Variants in SIRPG observed in about 807,000 individuals in gnomAD.
SIRPG encodes signal-regulatory protein gamma.
A neutral mutation model predicts 35.7 loss-of-function variants in SIRPG; 38 were observed. The observed-to-expected ratio is 1.06, with a 90% CI of 0.82 to 1.40. SIRPG has a LOEUF of 1.40. Ranked by LOEUF, SIRPG falls within the 40% of genes most tolerant of loss-of-function variation. SIRPG has a pLI of 0.00. For missense variants in SIRPG, 519 were observed against 483.0 expected (o/e 1.07, Z -0.70); for synonymous variants, 215 against 190.4 (o/e 1.13, Z -1.06).
At chr20:1,653,211 C>T (rs985464552) in intron 1 of SIRPG, among the ~76,000 whole-genome samples, 5 of 152,196 alleles carry the variant, frequency 3.3e-5, no homozygotes, top group Non-Finnish European at 7.3e-5. Flanking sequence ...AAACCTGTGA[C>T]CTCTAGAGTC....
At chr20:1,668,181 T>G in the SIRPG span, among the ~76,000 whole-genome samples, 32,231 of 112,154 alleles carry the variant, frequency 0.29, 4,948 homozygotes, top group East Asian at 0.65. Flanking sequence ...TTTTCTTTCT[T>G]TCTTTCTTTT....
chr20:1,663,080 A>G, the SIRPG span, among the ~76,000 whole-genome samples: 1 of 152,088 alleles, frequency 6.6e-6, no homozygotes, highest in Admixed American at 6.5e-5. Flanking sequence ...TTGGGAGGCC[A>G]AAGCGGGCGG....
chr20:1,663,220 G>A, the SIRPG span, among the ~76,000 whole-genome samples: 3 of 152,170 alleles, frequency 2.0e-5, no homozygotes, highest in Non-Finnish European at 4.4e-5. Flanking sequence ...GGCTGAGGCA[G>A]GAGAATGGCG....
At chr20:1,633,113 A>G (rs2091764763) in intron 4 of SIRPG, among the ~76,000 whole-genome samples, 1 of 152,216 alleles carries the variant, frequency 6.6e-6, no homozygotes, top group Admixed American at 6.5e-5. Context: ...GATATTATGA[A>G]CAACTCTACA....
At chr20:1,652,029 TCAAA>T (rs759949157) in intron 1 of SIRPG, among the ~76,000 whole-genome samples, 7 of 152,348 alleles carry the variant, frequency 4.6e-5, no homozygotes, top group Admixed American at 1.3e-4. Context: ...TTTAGTGCTT[TCAAA>T]CAAACAAAAA....
the SIRPG span, among the ~76,000 whole-genome samples, chr20:1,683,667 G>C: frequency 6.6e-6 from 1 of 152,098 alleles, no homozygotes; most frequent in Admixed American, 6.6e-5. Context: ...CTCATACACT[G>C]AATCTAAAAA....
At chr20:1,680,100 T>C in the SIRPG span, among the ~76,000 whole-genome samples, 1 of 152,248 alleles carries the variant, frequency 6.6e-6, no homozygotes, top group African/African-American at 2.4e-5. Context: ...AGTGGCAACA[T>C]ATTCTTTTAC....
At position 1,635,381 on chromosome 20, in the gene SIRPG, C is replaced by A. The variant is rs777554720; in HGVS notation, c.967G>T (p.Asp323Tyr). ...ACCTGGCAGGTGAGGACCACATCAT[C>A]CCTTTGGTCAGATATGTTCACCAGG... is the stretch of plus-strand genomic sequence containing the variant. ...WFLVNISDQR[D>Y]DVVLTCQVKH... The change falls in exon 4 of 6, where the codon GAT becomes TAT. Residue 323 changes from aspartate (D) to tyrosine (Y), a missense_variant. Asp to Tyr is a radical substitution (Grantham distance 160). Transcript: ENST00000303415. 3.0e-5 allele frequency: 48 copies of A among 1,614,012 alleles called. No individual in the cohort carries two copies. In the African/African-American group the frequency reaches 6.4e-4, roughly 22 times the overall value.
At chr20:1,680,781 A>G in the SIRPG span, among the ~76,000 whole-genome samples, 1 of 152,222 alleles carries the variant, frequency 6.6e-6, no homozygotes, top group Admixed American at 6.5e-5. Context: ...AATCAATAAA[A>G]GGAATATATG....
intron 2 of SIRPG, chr20:1,646,068 G>A (rs913663839): frequency 6.6e-6 from 1 of 152,176 alleles, no homozygotes; most frequent in African/African-American, 2.4e-5. Flanking sequence ...TACAGAAGAG[G>A]AAACTGAGGC....
chr20:1,675,807 G>T, the SIRPG span, among the ~76,000 whole-genome samples: 12 of 152,202 alleles, frequency 7.9e-5, no homozygotes, highest in Non-Finnish European at 1.8e-4. Context: ...AAATCAGTCA[G>T]ATTTGCTTCA....
At chr20:1,674,592 T>C in the SIRPG span, among the ~76,000 whole-genome samples, 1 of 152,322 alleles carries the variant, frequency 6.6e-6, no homozygotes, top group Admixed American at 6.5e-5. Context: ...CTAACCACTG[T>C]TCTGCGGAAG....
chr20:1,631,499 G>A (rs770976444), intron 4 of SIRPG, among the ~76,000 whole-genome samples: 13 of 152,276 alleles, frequency 8.5e-5, no homozygotes, highest in Admixed American at 6.5e-4. Context: ...TCAGCACCTC[G>A]CTCCTCCTAC....
chr20:1,680,161 C>G, the SIRPG span, among the ~76,000 whole-genome samples: 36,344 of 151,990 alleles, frequency 0.24, 5,067 homozygotes, highest in East Asian at 0.58. Flanking sequence ...AACGGACAAA[C>G]AAACAAAAAT....
At chr20:1,678,476 G>T in the SIRPG span, among the ~76,000 whole-genome samples, 1 of 149,194 alleles carries the variant, frequency 6.7e-6, no homozygotes, top group Non-Finnish European at 1.5e-5. Context: ...AAGTGAGCAG[G>T]TGGGAAAAAA....
the SIRPG span, among the ~76,000 whole-genome samples, chr20:1,678,860 C>A: frequency 1.3e-5 from 2 of 152,088 alleles, no homozygotes. Flanking sequence ...TCCTCTCACG[C>A]GAGAGATCCT....
At chr20:1,645,873 C>T (rs1196310471) in intron 2 of SIRPG, among the ~76,000 whole-genome samples, 1 of 152,174 alleles carries the variant, frequency 6.6e-6, no homozygotes, top group Non-Finnish European at 1.5e-5. Flanking sequence ...AGAGTAGGGG[C>T]CATGATTATC....
the SIRPG span, among the ~76,000 whole-genome samples, chr20:1,670,589 A>C: frequency 2.6e-4 from 40 of 152,270 alleles, no homozygotes; most frequent in African/African-American, 9.6e-4. Flanking sequence ...CATTAATCGT[A>C]GTTGCTCTTG....
chr20:1,645,764 A>G (rs945521500), intron 2 of SIRPG, among the ~76,000 whole-genome samples: 28 of 152,124 alleles, frequency 1.8e-4, no homozygotes, highest in Admixed American at 1.6e-3. Flanking sequence ...GTTCTTGCCC[A>G]TGCTCTCCTA....
Sources: gnomAD v4.1 joint callset for allele counts (sites outside exome capture counted in the v4.1 genomes callset) on GRCh38, gnomAD v4.1.1 for gene constraint, MANE v1.5 for transcripts, NCBI Gene and HGNC (gene_info 2026-07-23, HGNC 2026-07-21) for gene names.